The following PPP1R2 variants were observed in gnomAD, a reference collection of about 807,000 sequenced individuals.
The protein encoded by PPP1R2 is protein phosphatase inhibitor 2.
Under a neutral mutation model 29.9 loss-of-function variants are expected in PPP1R2, and 16 were observed. The observed-to-expected ratio is 0.53, with a 90% confidence interval of 0.36 to 0.81. The LOEUF is 0.81. Ranked by LOEUF, PPP1R2 falls within the 30% of genes least tolerant of loss-of-function variation. The pLI, the probability that PPP1R2 is intolerant of heterozygous loss-of-function variation, is 0.00. For synonymous variants in PPP1R2, 76 were observed against 91.5 expected (o/e 0.83, Z 0.96); for missense variants, 197 against 252.7 (o/e 0.78, Z 1.49).
At chr3:195,538,019 G>T (rs1719459579) in intron 1 of PPP1R2, among the ~76,000 whole-genome samples, 1 of 152,236 alleles carries the variant, frequency 6.6e-6, no homozygotes, top group Non-Finnish European at 1.5e-5. Flanking sequence ...GAGTGAGCCT[G>T]AGCTTAATCC....
In PPP1R2 at chr3:195,516,921, T is replaced by G; in HGVS notation, c.593A>C (p.Gln198Pro). 6.2e-7 allele frequency: 1 copy of G among 1,612,956 alleles called. No homozygotes were observed. Among genetic ancestry groups the G allele is most frequent in the Non-Finnish European group, 8.5e-7 (1 of 1,179,120 alleles). ...CTATGAACTTCGTAATTTGTTTTGC[T>G]GTTGGTCACTTGGAGTAGATCCTGC... ...SNQGSTPSDQ[Q>P]QNKLRSS The change falls in exon 6 of 6, where the codon CAG (glutamine) becomes CCG (proline). Residue 198 changes from glutamine (Q) to proline (P), a missense_variant. Transcript: ENST00000618156.
chr3:195,521,142 C>T (rs1185013191), intron 4 of PPP1R2, among the ~76,000 whole-genome samples: 2 of 151,514 alleles, frequency 1.3e-5, no homozygotes, highest in Middle Eastern at 3.2e-3. Context: ...GGTGAAACCC[C>T]GTCTCTACTG....
chr3:195,523,780 A>G lies in PPP1R2; in HGVS notation c.315T>C (p.Ala105=). The G allele has an allele frequency of 6.2e-7, 1 of 1,613,778 alleles. No homozygotes were observed. Among genetic ancestry groups the G allele is most frequent in the Non-Finnish European group, 8.5e-7 (1 of 1,179,664 alleles). ...ACTTTGGCTCCAAGCCTTCAGCTGCAGCTAATCTATGCAACAATCATGTAC... is the reference window on the plus strand; with the variant it reads ...ACTTTGGCTCCAAGCCTTCAGCTGCGGCTAATCTATGCAACAATCATGTAC... The part of the protein sequence containing the change: ...MAPDILARKL[A]AAEGLEPKYR... The change falls in exon 4 of 6, where the codon GCT becomes GCC. Residue 105 remains alanine, a synonymous_variant. Transcript: ENST00000618156.
Position 195,535,117 on chromosome 3 carries a change from G to A in PPP1R2, c.123-5216C>T, listed in dbSNP as rs193109378. Among the ~76,000 whole-genome samples the A allele has an allele frequency of 1.3e-3, 202 of 152,210 alleles. 1 individual carries two copies. Among genetic ancestry groups the A allele is most frequent in the Non-Finnish European group, 2.1e-3 (143 of 68,004 alleles). On this transcript the variant is annotated intron_variant, in intron 1 of 5. Coordinates refer to ENST00000618156, the MANE Select transcript of PPP1R2 (RefSeq NM_006241.8). Reference sequence around the variant, plus strand: ...GACAACTTTTGCGTGGTGTGGGGTCGGGTGGGAAGGTTTCAGGATGAAACT... The same window carrying A: ...GACAACTTTTGCGTGGTGTGGGGTCAGGTGGGAAGGTTTCAGGATGAAACT...
At chr3:195,541,579 G>A (rs528927858) in intron 1 of PPP1R2, among the ~76,000 whole-genome samples, 1 of 151,010 alleles carries the variant, frequency 6.6e-6, no homozygotes, top group South Asian at 2.1e-4. Flanking sequence ...TTACAGGCGT[G>A]AGCCACCACG....
chr3:195,527,865 G>T (rs1056208996), intron 2 of PPP1R2: 38 of 371,308 alleles, frequency 1.0e-4, no homozygotes, highest in Non-Finnish European at 1.2e-4. Flanking sequence ...GCCAGATCTT[G>T]TATCTTTTTT....
chr3:195,537,484 TGTGTGTGTG>T (rs1719436142), intron 1 of PPP1R2, among the ~76,000 whole-genome samples: 8 of 117,852 alleles, frequency 6.8e-5, no homozygotes, highest in African/African-American at 2.1e-4. Flanking sequence ...TTAGCTATTG[TGTGTGTGTG>T]TGTGTGTGTG....
intron 1 of PPP1R2, among the ~76,000 whole-genome samples, chr3:195,534,410 GA>G (rs542512333): frequency 1.3e-5 from 2 of 152,072 alleles, no homozygotes; most frequent in Admixed American, 1.3e-4. Flanking sequence ...TGATTCTGGG[GA>G]AAAAAATGCC....
Position 195,543,269 on chromosome 3 carries a change from G to A in PPP1R2, c.-244C>T, listed in dbSNP as rs915646951. On this transcript the variant is annotated 5_prime_UTR_variant, in exon 1 of 6. Transcript: ENST00000618156. ...CTTAGCCACTGGCACTTGACCCGCG[G>A]CTCGCGGAGAGACGCCGGCCTAGAG... is the stretch of plus-strand genomic sequence containing the variant. 3.7e-5 allele frequency: 15 copies of A among 404,720 alleles called. No individual in the cohort carries two copies. In the Admixed American group the frequency reaches 6.5e-4, roughly 18 times the overall value. The allele number at this position is 404,720 out of a possible 1,614,324, so 25.1% of individuals were successfully genotyped here.
intron 5 of PPP1R2, 87 bp from the exon 6 acceptor site, chr3:195,517,029 G>C (rs1047892951): frequency 4.8e-6 from 5 of 1,045,154 alleles, no homozygotes; most frequent in African/African-American, 1.6e-5. Context: ...TGCATGACAA[G>C]CAAATATAAA....
At chr3:195,541,823 C>T (rs920062148) in intron 1 of PPP1R2, among the ~76,000 whole-genome samples, 1 of 152,108 alleles carries the variant, frequency 6.6e-6, no homozygotes, top group South Asian at 2.1e-4. Context: ...CCCAAAAGGC[C>T]ACGATTCTAA....
intron 1 of PPP1R2, among the ~76,000 whole-genome samples, chr3:195,536,397 C>T (rs950836078): frequency 1.3e-5 from 2 of 150,876 alleles, no homozygotes; most frequent in Non-Finnish European, 2.9e-5. Flanking sequence ...TAAATTTATA[C>T]TTAATATGCT....
intron 1 of PPP1R2, among the ~76,000 whole-genome samples, chr3:195,531,574 CCA>C (rs1383336798): frequency 3.9e-5 from 6 of 152,122 alleles, no homozygotes; most frequent in South Asian, 2.1e-4. Context: ...CCTAATATAC[CCA>C]CAGTGTCCCC....
chr3:195,519,917 TAAAA>T (rs35492316), intron 4 of PPP1R2, among the ~76,000 whole-genome samples: 33 of 145,588 alleles, frequency 2.3e-4, no homozygotes, highest in South Asian at 4.3e-4. Flanking sequence ...ATCAGAAAAT[TAAAA>T]AAAAAAAAAA....
chr3:195,518,650 CAAAA>C (rs35912447), intron 5 of PPP1R2, among the ~76,000 whole-genome samples: 1 of 133,928 alleles, frequency 7.5e-6, no homozygotes, highest in Non-Finnish European at 1.6e-5. Flanking sequence ...GACTCTGTCT[CAAAA>C]AAAAAAAAAA....
chr3:195,524,249 C>T (rs188085899), intron 3 of PPP1R2, among the ~76,000 whole-genome samples: 151 of 152,286 alleles, frequency 9.9e-4, no homozygotes, highest in African/African-American at 3.1e-3. Context: ...GGGCCAGGCG[C>T]GGTGGTTCAC....
rs573232762 is a variant in PPP1R2, at chr3:195,520,604, C to T, written c.404-1419G>A. Among the ~76,000 whole-genome samples, 50 of 152,118 alleles carry T rather than the reference C, an allele frequency of 3.3e-4. No homozygotes were observed. In the Middle Eastern group the frequency reaches 0.014, roughly 41 times the overall value. Reference sequence around the variant, plus strand: ...TCCAGCCTGGGTTGACAAGTGAGACCGTAGCTCAAAAATTTATTTATTTAC... The same window carrying T: ...TCCAGCCTGGGTTGACAAGTGAGACTGTAGCTCAAAAATTTATTTATTTAC... On this transcript the variant is annotated intron_variant, in intron 4 of 5. Coordinates refer to ENST00000618156, the MANE Select transcript of PPP1R2 (RefSeq NM_006241.8).
intron 1 of PPP1R2, among the ~76,000 whole-genome samples, chr3:195,534,179 T>C (rs1719287957): frequency 6.6e-6 from 1 of 151,892 alleles, no homozygotes. Flanking sequence ...TAGCCAGGCA[T>C]GATGGCACAC....
chr3:195,541,690 C>T (rs1192181740), intron 1 of PPP1R2, among the ~76,000 whole-genome samples: 2 of 151,998 alleles, frequency 1.3e-5, no homozygotes, highest in African/African-American at 4.8e-5. Context: ...CATCACACTC[C>T]CCCAGCACTC....
Sources: allele counts gnomAD v4.1 joint callset (sites outside exome capture counted in the v4.1 genomes callset), GRCh38; gene constraint gnomAD v4.1.1; transcripts MANE v1.5; gene names NCBI Gene and HGNC (gene_info 2026-07-23, HGNC 2026-07-21).